The following EOLA2 variants were observed in gnomAD, a reference collection of about 807,000 sequenced individuals.
EOLA2 encodes protein EOLA2.
In EOLA2, 3 loss-of-function variants were observed where a neutral mutation model predicts 4.1. The observed-to-expected ratio is 0.73, with a 90% CI of 0.33 to 1.89. The LOEUF is 1.89. Among genes scored for constraint, EOLA2 ranks in the 40% most tolerant of loss-of-function variants. The pLI is 0.08. For missense variants in EOLA2, 109 were observed against 126.4 expected (o/e 0.86, Z 0.66); for synonymous variants, 52 against 51.7 (o/e 1.01, Z -0.03).
At chrX:149,934,590 G>C (rs1462279816) in intron 2 of EOLA2, 3 of 752,244 alleles carry the variant, frequency 4.0e-6, no homozygotes, top group Admixed American at 1.7e-4. Flanking sequence ...AAAGAAGAAT[G>C]ATAATCAGAA....
intron 2 of EOLA2, among the ~76,000 whole-genome samples, chrX:149,937,150 A>C (rs2091017300): frequency 9.0e-6 from 1 of 110,613 alleles, no homozygotes; most frequent in African/African-American, 3.3e-5. Flanking sequence ...GAGCATGATT[A>C]TTCTTCTGAT....
At chrX:149,931,352 G>A (rs2090870966), downstream of EOLA2, 1 of 264,665 alleles carries the variant, frequency 3.8e-6, no homozygotes, top group Admixed American at 7.0e-5. Flanking sequence ...AACCAGGGGA[G>A]GCTGGAAATC....
chrX:149,937,950 G>A (rs1463708866), intron 1 of EOLA2, among the ~76,000 whole-genome samples: 1 of 112,859 alleles, frequency 8.9e-6, no homozygotes, highest in East Asian at 2.8e-4. Flanking sequence ...CGGGAGGCAG[G>A]GAAGACCGGG....
In EOLA2 at chrX:149,938,443, G is replaced by A. The variant is rs1307144871; in HGVS notation, c.-461C>T. 2 of 112,825 alleles carry A rather than the reference G, an allele frequency of 1.8e-5. No homozygotes were observed. Among genetic ancestry groups the A allele is most frequent in the Non-Finnish European group, 1.9e-5 (1 of 53,244 alleles). The allele number at this position is 112,825 out of a possible 1,213,427, so 9.3% of individuals were successfully genotyped here. On this transcript the variant is annotated 5_prime_UTR_variant, in exon 1 of 5. Transcript: ENST00000370406. The stretch of plus-strand genomic sequence containing the variant: ...ACAGATGCTAGCGGTCCATAACTTC[G>A]GCTTTCATGCAGCTCCCGTCGTCCC...
At chrX:149,935,298 TCTGGACCCTGCTCCTCTGGCTCAC>T (rs2090965355) in intron 2 of EOLA2, among the ~76,000 whole-genome samples, 1 of 67,747 alleles carries the variant, frequency 1.5e-5, no homozygotes, top group African/African-American at 7.3e-5. Flanking sequence ...CCTGCTGTGC[TCTGGACCCTGCTCCTCTGGCTCAC>T]TCCGGGCCCT....
Position 149,932,397 on chromosome X carries a change from T to A in EOLA2, c.*147A>T, listed in dbSNP as rs1329574000. On this transcript the variant is annotated 3_prime_UTR_variant, in exon 5 of 5. Transcript: ENST00000370406. The stretch of plus-strand genomic sequence containing the variant: ...ATCTGAGCAAAGGAACCTGTTTACA[T>A]GCACAGTGCTTAGTGGGTGGGACTC... 3 of 1,092,947 alleles carry A rather than the reference T, an allele frequency of 2.7e-6. No homozygotes were observed. The highest frequency in any genetic ancestry group is 3.6e-6 in the Non-Finnish European group (3 of 836,786). The allele number at this position is 1,092,947 out of a possible 1,213,427, so 90.1% of individuals were successfully genotyped here.
downstream of EOLA2, chrX:149,931,253 C>G (rs1226202914): frequency 2.2e-6 from 1 of 447,251 alleles, no homozygotes; most frequent in African/African-American, 2.6e-5. Context: ...AAACAAAATT[C>G]CATGGAAATA....
intron 4 of EOLA2, among the ~76,000 whole-genome samples, chrX:149,933,264 G>A (rs782351732): frequency 0.025 from 2,424 of 95,964 alleles, 93 homozygotes; most frequent in African/African-American, 0.091. Context: ...CCCATTCGGC[G>A]GGCTGGGCTG....
chrX:149,933,996 C>T lies in EOLA2; in HGVS notation c.-30+9G>A. 5.3e-6 allele frequency: 6 copies of T among 1,131,503 alleles called. No individual in the cohort carries two copies. Among genetic ancestry groups the T allele is most frequent in the Non-Finnish European group, 7.0e-6 (6 of 856,388 alleles). The allele number at this position is 1,131,503 out of a possible 1,213,427, so 93.2% of individuals were successfully genotyped here. A position where few individuals can be genotyped will look rare whatever the true frequency, so the allele number is the denominator to read the frequency against. On this transcript the variant is annotated intron_variant, in intron 3 of 4. Coordinates refer to ENST00000370406, the MANE Select transcript of EOLA2 (RefSeq NM_001013845.2). ...CCCGTGTCTCTCAGGTGGCCTAAAT[C>T]GCACTGACCTTGATGGTCTGCTGCT... is the stretch of plus-strand genomic sequence containing the variant.
downstream of EOLA2, chrX:149,931,202 C>T: frequency 1.1e-6 from 1 of 887,956 alleles, no homozygotes; most frequent in Middle Eastern, 4.7e-4. Context: ...TAAAAGTTGC[C>T]ATTTTCTAAT....
At position 149,932,358 on chromosome X, in the gene EOLA2, C is replaced by G; in HGVS notation, c.*186G>C. On this transcript the variant is annotated 3_prime_UTR_variant, in exon 5 of 5. Coordinates refer to ENST00000370406, the MANE Select transcript of EOLA2 (RefSeq NM_001013845.2). ...AGGCATCACACAAGGAAAGCCCCAC[C>G]CCCTACTTCCTTCATCTGAGCAAAG... 1 of 999,637 alleles carries G rather than the reference C, an allele frequency of 1.0e-6. No individual in the cohort carries two copies. The highest frequency in any genetic ancestry group is 2.8e-5 in the South Asian group (1 of 36,229). 82.4% of individuals were successfully genotyped at this position (999,637 alleles called of 1,213,427 possible).
At chrX:149,935,064 C>T (rs1311348174) in intron 2 of EOLA2, among the ~76,000 whole-genome samples, 5 of 111,226 alleles carry the variant, frequency 4.5e-5, no homozygotes, top group African/African-American at 1.6e-4. Context: ...CACCCTTGAG[C>T]TGCCCCTACT....
chrX:149,933,762 G>A lies in EOLA2; in HGVS notation c.113C>T (p.Thr38Ile). The A allele has an allele frequency of 1.7e-6, 2 of 1,207,998 alleles. No individual in the cohort carries two copies. The highest frequency in any genetic ancestry group is 3.5e-5 in the South Asian group (2 of 56,749). ...CCTGTGAGCAATGTGGACGGCGATGGTACAGTTCCGCTGGCTGCTCAGCAG... is the reference window on the plus strand; with the variant it reads ...CCTGTGAGCAATGTGGACGGCGATGATACAGTTCCGCTGGCTGCTCAGCAG... Reference protein sequence around the residue: ...RPLLSSQRNCTIAVHIAHRDW... With the variant: ...RPLLSSQRNCIIAVHIAHRDW... Residue 38 changes from threonine to isoleucine, a missense_variant, in exon 4 of 5, where the codon ACC becomes ATC. Coordinates refer to ENST00000370406, the MANE Select transcript of EOLA2 (RefSeq NM_001013845.2).
chrX:149,937,288 G>A (rs1315452526), intron 2 of EOLA2, 145 bp downstream of exon 2: 13 of 126,333 alleles, frequency 1.0e-4, no homozygotes, highest in Admixed American at 1.9e-4. Flanking sequence ...CTTTTCTGCC[G>A]CCCAGTTTCT....
chrX:149,934,219 A>G, intron 2 of EOLA2, 82 bp from the exon 3 acceptor site: 3 of 842,957 alleles, frequency 3.6e-6, no homozygotes, highest in Non-Finnish European at 1.5e-6. Flanking sequence ...CAGAGGACAG[A>G]GGGCCCCCTC....
intron 2 of EOLA2, among the ~76,000 whole-genome samples, chrX:149,935,951 A>C (rs1405690031): frequency 6.7e-5 from 7 of 104,870 alleles, no homozygotes; most frequent in African/African-American, 2.5e-4. Context: ...CCACAATCCC[A>C]ATCCAATCCC....
chrX:149,934,057 C>T lies in EOLA2; in HGVS notation c.-82G>A. ...ACTGATGTCGAGCACCACAGCAGGC[C>T]CAAGGGAAGGGGCTAGGATTCGGCT... On this transcript the variant is annotated 5_prime_UTR_variant, in exon 3 of 5. It introduces an in-frame stop codon into an upstream open reading frame of the 5' UTR. Transcript: ENST00000370406. The T allele has an allele frequency of 6.4e-6, 7 of 1,087,391 alleles. No homozygotes were observed. The highest frequency in any genetic ancestry group is 8.3e-6 in the Non-Finnish European group (7 of 838,640). 89.6% of individuals were successfully genotyped at this position (1,087,391 alleles called of 1,213,427 possible).
rs1557375314 is a variant in EOLA2 at position 149,933,907 on chromosome X, C to T, written c.-29-4G>A. ...AGCGCCCCGGGCCTCCCGTAGCCTG[C>T]GGAAGCACAGAAGCGCATCACACGC... is the stretch of plus-strand genomic sequence containing the variant. On this transcript the variant is annotated splice_region_variant and splice_polypyrimidine_tract_variant and intron_variant, in intron 3 of 4. Transcript: ENST00000370406. 5 of 1,191,421 alleles carry T rather than the reference C, an allele frequency of 4.2e-6. No homozygotes were observed. The highest frequency in any genetic ancestry group is 3.0e-5 in the East Asian group (1 of 33,482).
intron 2 of EOLA2, among the ~76,000 whole-genome samples, chrX:149,935,661 C>G (rs1290755354): frequency 1.9e-5 from 2 of 104,054 alleles, no homozygotes; most frequent in Non-Finnish European, 3.9e-5. Context: ...TTCTGGGACC[C>G]CCATGTTGCT....
Sources: allele counts gnomAD v4.1 joint callset (sites outside exome capture counted in the v4.1 genomes callset), GRCh38; gene constraint gnomAD v4.1.1; transcripts MANE v1.5; gene names NCBI Gene and HGNC (gene_info 2026-07-23, HGNC 2026-07-21).